Variants in CTNNA3 observed in about 807,000 individuals in gnomAD.
CTNNA3 encodes the protein catenin alpha-3.
In CTNNA3, 76 loss-of-function variants were observed where a neutral mutation model predicts 95.7. That is an observed-to-expected ratio of 0.79 (90% confidence interval 0.66 to 0.96). The LOEUF (loss-of-function observed/expected upper bound fraction) is 0.96. Ranked by LOEUF, CTNNA3 falls within the 40% of genes least tolerant of loss-of-function variation. CTNNA3 has a pLI of 0.00. For synonymous variants in CTNNA3, 431 were observed against 374.4 expected (o/e 1.15, Z -1.74); for missense variants, 1,191 against 1,089.8 (o/e 1.09, Z -1.31).
intron 11 of CTNNA3, among the ~76,000 whole-genome samples, chr10:66,471,149 T>C (rs1423381543): frequency 6.6e-6 from 1 of 151,830 alleles, no homozygotes; most frequent in Non-Finnish European, 1.5e-5. Context: ...AAACTGTCAT[T>C]GAAAAAAGTA....
intron 7 of CTNNA3, among the ~76,000 whole-genome samples, chr10:67,179,416 G>A (rs1862398892): frequency 6.8e-6 from 1 of 146,296 alleles, no homozygotes; most frequent in South Asian, 2.2e-4. Flanking sequence ...TATAAATACA[G>A]TGAAACAAAA....
intron 7 of CTNNA3, among the ~76,000 whole-genome samples, chr10:66,822,152 T>C (rs191546774): frequency 6.7e-6 from 1 of 149,818 alleles, no homozygotes; most frequent in East Asian, 1.9e-4. Flanking sequence ...ATATATAAAG[T>C]ATGTAATATG....
chr10:67,369,845 T>C (rs1355990648), intron 5 of CTNNA3, among the ~76,000 whole-genome samples: 1 of 152,184 alleles, frequency 6.6e-6, no homozygotes, highest in African/African-American at 2.4e-5. Context: ...GGTATTCTCA[T>C]ACACCATGAG....
intron 5 of CTNNA3, among the ~76,000 whole-genome samples, chr10:67,412,916 A>G (rs1211082161): frequency 6.6e-6 from 1 of 152,082 alleles, no homozygotes; most frequent in Non-Finnish European, 1.5e-5. Flanking sequence ...ACTTAAGCAC[A>G]TAGCTCACAG....
chr10:66,060,238 A>T (rs1312555047), intron 15 of CTNNA3, among the ~76,000 whole-genome samples: 2 of 152,062 alleles, frequency 1.3e-5, no homozygotes, highest in Non-Finnish European at 2.9e-5. Context: ...GCGTGGACAG[A>T]ATTTACCTAA....
chr10:66,475,294 A>G (rs1210740666), intron 11 of CTNNA3, among the ~76,000 whole-genome samples: 1 of 151,968 alleles, frequency 6.6e-6, no homozygotes, highest in East Asian at 1.9e-4. Flanking sequence ...TAAATTTAGG[A>G]CCCCAAAAAT....
chr10:66,127,646 A>G (rs1207676486), intron 13 of CTNNA3, among the ~76,000 whole-genome samples: 3 of 152,220 alleles, frequency 2.0e-5, no homozygotes, highest in African/African-American at 7.2e-5. Context: ...AGGACATGAG[A>G]TAAATACTAA....
intron 9 of CTNNA3, among the ~76,000 whole-genome samples, chr10:66,713,195 C>G (rs907833373): frequency 6.6e-6 from 1 of 152,136 alleles, no homozygotes; most frequent in African/African-American, 2.4e-5. Context: ...TCCTTCTCAA[C>G]AGACAGAAAT....
intron 13 of CTNNA3, among the ~76,000 whole-genome samples, chr10:66,263,677 A>G (rs1412106511): frequency 6.6e-6 from 1 of 151,990 alleles, no homozygotes; most frequent in Non-Finnish European, 1.5e-5. Context: ...CAGTGGAAGT[A>G]TGCTGGTCCT....
At chr10:67,745,289 G>A (rs1287963072) in intron 1 of CTNNA3, among the ~76,000 whole-genome samples, 1 of 152,024 alleles carries the variant, frequency 6.6e-6, no homozygotes, top group Non-Finnish European at 1.5e-5. Context: ...ACTGGATTAA[G>A]AAAATTTGGC....
At chr10:66,645,365 C>G (rs372764561) in intron 9 of CTNNA3, among the ~76,000 whole-genome samples, 15 of 152,116 alleles carry the variant, frequency 9.9e-5, no homozygotes, top group African/African-American at 3.6e-4. Flanking sequence ...TGTCTCTGAT[C>G]CATTTTGAGT....
At chr10:66,444,978 G>A (rs2093407629) in intron 11 of CTNNA3, among the ~76,000 whole-genome samples, 1 of 152,000 alleles carries the variant, frequency 6.6e-6, no homozygotes, top group East Asian at 1.9e-4. Flanking sequence ...GATGGAGGAA[G>A]ATCTACCAAG....
At chr10:66,896,044 C>CTGAGGTTGTGGTGAG (rs1329779168) in intron 7 of CTNNA3, among the ~76,000 whole-genome samples, 20 of 152,016 alleles carry the variant, frequency 1.3e-4, no homozygotes, top group Admixed American at 1.3e-3. Context: ...TTGTGGTGAG[C>CTGAGGTTGTGGTGAG]CGAGATTGCG....
rs376708227 is a variant in CTNNA3 at position 66,958,210 on chromosome 10, A to C, written c.1048-182686T>G. ...AGAAAGGAAGAAAATAAATATTCTA[A>C]TTGGCCCAACTGATTTATTTGAAAC... On this transcript the variant is annotated intron_variant, in intron 7 of 17. Coordinates refer to ENST00000433211, the MANE Select transcript of CTNNA3 (RefSeq NM_013266.4). Among the ~76,000 whole-genome samples the C allele has an allele frequency of 1.3e-4, 19 of 151,664 alleles. No homozygotes were observed. The South Asian group carries it at 1.5e-3, about 12-fold the overall frequency.
chr10:67,643,290 G>C (rs976901669), intron 2 of CTNNA3, among the ~76,000 whole-genome samples: 2 of 127,782 alleles, frequency 1.6e-5, no homozygotes, highest in Non-Finnish European at 3.1e-5. Flanking sequence ...ATGGACTCAT[G>C]GGGGGAACAC....
intron 7 of CTNNA3, among the ~76,000 whole-genome samples, chr10:66,865,246 G>A (rs1227254484): frequency 6.7e-6 from 1 of 149,832 alleles, no homozygotes; most frequent in Admixed American, 6.7e-5. Context: ...GTGTGTAAAT[G>A]CAGTTCCAAA....
chr10:66,214,378 A>G (rs1589750857), intron 13 of CTNNA3, among the ~76,000 whole-genome samples: 1 of 152,214 alleles, frequency 6.6e-6, no homozygotes, highest in East Asian at 1.9e-4. Flanking sequence ...CAAGACAGAC[A>G]ATAAGGACAA....
chr10:66,241,657 C>T (rs1156894365), intron 13 of CTNNA3, among the ~76,000 whole-genome samples: 2 of 146,524 alleles, frequency 1.4e-5, no homozygotes, highest in South Asian at 2.2e-4. Flanking sequence ...CACCTCCTCA[C>T]GTGAGCTACT....
At chr10:67,641,758 C>CA (rs1224043645) in intron 2 of CTNNA3, among the ~76,000 whole-genome samples, 2 of 151,988 alleles carry the variant, frequency 1.3e-5, no homozygotes, top group East Asian at 1.9e-4. Context: ...ATCGCAAGGA[C>CA]AAAAAACCAA....
Sources: allele counts gnomAD v4.1 joint callset (sites outside exome capture counted in the v4.1 genomes callset), GRCh38; gene constraint gnomAD v4.1.1; transcripts MANE v1.5; gene names NCBI Gene and HGNC (gene_info 2026-07-23, HGNC 2026-07-21).